SCAPER: variants seen among roughly 807,000 people sequenced by gnomAD.
SCAPER encodes S phase cyclin A-associated protein in the endoplasmic reticulum.
Under a neutral mutation model 182.2 loss-of-function variants are expected in SCAPER, and 98 were observed. The ratio of observed to expected loss-of-function variants is 0.54; its 90% confidence interval spans 0.46 to 0.64. SCAPER has a LOEUF of 0.64. Ranked by LOEUF, SCAPER falls within the 30% of genes least tolerant of loss-of-function variation. The pLI, the probability that SCAPER is intolerant of heterozygous loss-of-function variation, is 0.00. For synonymous variants in SCAPER, 605 were observed against 564.6 expected (o/e 1.07, Z -1.01); for missense variants, 1,432 against 1,690.0 (o/e 0.85, Z 2.68).
intron 15 of SCAPER, among the ~76,000 whole-genome samples, chr15:76,749,549 G>T (rs2061977734): frequency 6.6e-6 from 1 of 151,880 alleles, no homozygotes; most frequent in South Asian, 2.1e-4. Flanking sequence ...AATAACAATA[G>T]ACCTAATAAG....
chr15:76,497,055 A>G (rs970526485), intron 24 of SCAPER, among the ~76,000 whole-genome samples: 1 of 147,970 alleles, frequency 6.8e-6, no homozygotes, highest in East Asian at 2.0e-4. Context: ...TCTGTGGACT[A>G]GACTGCTTTC....
intron 25 of SCAPER, among the ~76,000 whole-genome samples, chr15:76,437,972 C>T (rs2047305073): frequency 6.6e-6 from 1 of 151,936 alleles, no homozygotes; most frequent in South Asian, 2.1e-4. Flanking sequence ...TTTATAGAAA[C>T]AGAAGGAATA....
intron 17 of SCAPER, among the ~76,000 whole-genome samples, chr15:76,723,906 C>G (rs1383865199): frequency 6.6e-6 from 1 of 152,126 alleles, no homozygotes; most frequent in African/African-American, 2.4e-5. Flanking sequence ...TTAATTGGAG[C>G]ATTTAGCCCA....
chr15:76,791,352 C>A (rs1172478556), intron 8 of SCAPER, among the ~76,000 whole-genome samples: 1 of 152,048 alleles, frequency 6.6e-6, no homozygotes, highest in Admixed American at 6.6e-5. Flanking sequence ...GAAAAGCAGC[C>A]GATGTGGCAA....
intron 22 of SCAPER, among the ~76,000 whole-genome samples, chr15:76,577,154 G>C (rs887378722): frequency 6.6e-6 from 1 of 152,042 alleles, no homozygotes; most frequent in Non-Finnish European, 1.5e-5. Flanking sequence ...GAAGACTAAA[G>C]AGGACTCTGT....
chr15:76,783,888 A>G (rs1438709198), intron 8 of SCAPER, among the ~76,000 whole-genome samples: 1 of 152,252 alleles, frequency 6.6e-6, no homozygotes, highest in African/African-American at 2.4e-5. Context: ...TGTATCTCAA[A>G]ATAATAAGAG....
At chr15:76,580,920 G>A (rs1004593384) in intron 22 of SCAPER, among the ~76,000 whole-genome samples, 4 of 152,030 alleles carry the variant, frequency 2.6e-5, no homozygotes, top group African/African-American at 7.2e-5. Flanking sequence ...GTCAGACTAA[G>A]AAGAAAAGGA....
intron 23 of SCAPER, among the ~76,000 whole-genome samples, chr15:76,511,916 T>C (rs956088488): frequency 2.7e-5 from 4 of 148,482 alleles, no homozygotes; most frequent in African/African-American, 9.9e-5. Context: ...GGAGTCTTGC[T>C]CTGTCACCCA....
At chr15:76,577,791 G>A (rs926278315) in intron 22 of SCAPER, among the ~76,000 whole-genome samples, 3 of 151,934 alleles carry the variant, frequency 2.0e-5, no homozygotes, top group Non-Finnish European at 4.4e-5. Context: ...TGGTGGCTAC[G>A]GGGAGAGACT....
intron 8 of SCAPER, among the ~76,000 whole-genome samples, chr15:76,780,976 T>G (rs1568115637): frequency 6.6e-6 from 1 of 152,056 alleles, no homozygotes; most frequent in Non-Finnish European, 1.5e-5. Flanking sequence ...GAGCGCCTCT[T>G]CTCCTCCAAA....
chr15:76,484,791 G>C (rs2143021763), intron 24 of SCAPER, among the ~76,000 whole-genome samples: 1 of 152,234 alleles, frequency 6.6e-6, no homozygotes, highest in South Asian at 2.1e-4. Context: ...CACATAAACA[G>C]AACTAAAGAC....
chr15:76,803,153 A>G (rs911106420), intron 6 of SCAPER, among the ~76,000 whole-genome samples: 3 of 152,208 alleles, frequency 2.0e-5, no homozygotes, highest in African/African-American at 4.8e-5. Flanking sequence ...TGAGCTCTAC[A>G]CAATGTGGTC....
chr15:76,542,815 A>C (rs1392728092), intron 23 of SCAPER, among the ~76,000 whole-genome samples: 1 of 152,082 alleles, frequency 6.6e-6, no homozygotes, highest in Non-Finnish European at 1.5e-5. Flanking sequence ...CACCCTTTGT[A>C]CGGTGCCAAG....
At chr15:76,555,761 G>T (rs560831995) in intron 23 of SCAPER, among the ~76,000 whole-genome samples, 2 of 152,224 alleles carry the variant, frequency 1.3e-5, no homozygotes, top group South Asian at 4.1e-4. Context: ...AACCTAGAAA[G>T]AAACTTACAT....
chr15:76,574,650 T>C (rs1407728442), intron 22 of SCAPER, among the ~76,000 whole-genome samples: 4 of 152,238 alleles, frequency 2.6e-5, no homozygotes, highest in South Asian at 2.1e-4. Context: ...CAGGTTTTTA[T>C]ATTTTGATTT....
At chr15:76,633,614 C>T (rs533508467) in intron 21 of SCAPER, among the ~76,000 whole-genome samples, 1 of 152,324 alleles carries the variant, frequency 6.6e-6, no homozygotes, top group South Asian at 2.1e-4. Context: ...CCATAAACAC[C>T]TGGCTGGGGA....
chr15:76,669,536 T>G (rs2056867166), intron 20 of SCAPER, among the ~76,000 whole-genome samples: 1 of 152,212 alleles, frequency 6.6e-6, no homozygotes, highest in Non-Finnish European at 1.5e-5. Context: ...ATTGAACACT[T>G]ATTATGTGAT....
intron 4 of SCAPER, among the ~76,000 whole-genome samples, chr15:76,850,821 T>C (rs558537747): frequency 4.1e-5 from 6 of 145,630 alleles, no homozygotes; most frequent in Non-Finnish European, 7.5e-5. Flanking sequence ...GATTGCGCCA[T>C]TGTATTCCAG....
intron 21 of SCAPER, among the ~76,000 whole-genome samples, chr15:76,649,536 AAT>A (rs1555518020): frequency 1.3e-5 from 2 of 151,052 alleles, no homozygotes. Context: ...TATGGAAAAA[AAT>A]ATATATATAT....
Sources: gnomAD v4.1 joint callset for allele counts (sites outside exome capture counted in the v4.1 genomes callset) on GRCh38, gnomAD v4.1.1 for gene constraint, MANE v1.5 for transcripts, NCBI Gene and HGNC (gene_info 2026-07-23, HGNC 2026-07-21) for gene names.